KCNIP4: variants seen among roughly 807,000 people sequenced by gnomAD.
KCNIP4 encodes potassium voltage-gated channel interacting protein 4, also known as Kv channel-interacting protein 4.
In KCNIP4, 12 loss-of-function variants were observed where a neutral mutation model predicts 34.0. The ratio of observed to expected loss-of-function variants is 0.35; its 90% confidence interval spans 0.23 to 0.57. The LOEUF is 0.57. Among genes scored for constraint, KCNIP4 ranks in the 20% least tolerant of loss-of-function variants. The pLI, the probability that KCNIP4 is intolerant of heterozygous loss-of-function variation, is 0.83. For synonymous variants in KCNIP4, 124 were observed against 102.2 expected, an observed-to-expected ratio of 1.21 and a Z score of -1.29; for missense variants, 238 against 311.7, an observed-to-expected ratio of 0.76 and a Z score of 1.78.
intron 1 of KCNIP4, among the ~76,000 whole-genome samples, chr4:20,898,955 G>A (rs547380695): frequency 6.6e-6 from 1 of 152,276 alleles, no homozygotes; most frequent in South Asian, 2.1e-4. Context: ...AAATACCTCA[G>A]AGATTTTAGG....
intron 3 of KCNIP4, among the ~76,000 whole-genome samples, chr4:20,771,312 G>C (rs1755857039): frequency 6.6e-6 from 1 of 152,042 alleles, no homozygotes; most frequent in Admixed American, 6.5e-5. Context: ...CTAGATTCTG[G>C]CCCCTTGATA....
chr4:21,400,355 A>G (rs1200246264), intron 1 of KCNIP4, among the ~76,000 whole-genome samples: 2 of 151,888 alleles, frequency 1.3e-5, no homozygotes, highest in Non-Finnish European at 2.9e-5. Flanking sequence ...GCCAACTCTG[A>G]AAAAGGTGGG....
chr4:20,789,591 C>G (rs1712460671), intron 3 of KCNIP4, among the ~76,000 whole-genome samples: 1 of 152,030 alleles, frequency 6.6e-6, no homozygotes, highest in Non-Finnish European at 1.5e-5. Flanking sequence ...CTGTCTTTGA[C>G]CAATCACAAA....
intron 1 of KCNIP4, among the ~76,000 whole-genome samples, chr4:21,049,394 ATAT>A (rs1742737375): frequency 6.6e-6 from 1 of 152,190 alleles, no homozygotes; most frequent in African/African-American, 2.4e-5. Flanking sequence ...GTGGTCTTTA[ATAT>A]TATGCAGCAA....
chr4:21,281,120 T>G (rs1762749772), intron 1 of KCNIP4, among the ~76,000 whole-genome samples: 2 of 150,832 alleles, frequency 1.3e-5, no homozygotes, highest in Non-Finnish European at 3.0e-5. Flanking sequence ...GGAGTCTTGT[T>G]CTGTTCCCCA....
chr4:21,865,894 T>C (rs1725382973), intron 1 of KCNIP4, among the ~76,000 whole-genome samples: 1 of 149,712 alleles, frequency 6.7e-6, no homozygotes, highest in African/African-American at 2.4e-5. Flanking sequence ...GTTTCAATCA[T>C]ACATTTGCCA....
intron 1 of KCNIP4, among the ~76,000 whole-genome samples, chr4:21,932,688 G>A (rs1020843548): frequency 1.3e-5 from 2 of 152,006 alleles, no homozygotes; most frequent in African/African-American, 4.8e-5. Context: ...TTAAAGGTCA[G>A]ATACAAGGAT....
intron 1 of KCNIP4, among the ~76,000 whole-genome samples, chr4:21,914,394 A>C (rs1728514170): frequency 6.6e-6 from 1 of 152,102 alleles, no homozygotes; most frequent in African/African-American, 2.4e-5. Context: ...AATCCCTTAC[A>C]ACCTGCTCTT....
chr4:21,183,910 T>G (rs918905315), intron 1 of KCNIP4, among the ~76,000 whole-genome samples: 2 of 152,120 alleles, frequency 1.3e-5, no homozygotes, highest in Non-Finnish European at 2.9e-5. Flanking sequence ...CAGCAGCCCC[T>G]CCTTTCCTCT....
chr4:21,604,753 CT>C (rs1420447037), intron 1 of KCNIP4, among the ~76,000 whole-genome samples: 2 of 152,132 alleles, frequency 1.3e-5, no homozygotes, highest in Admixed American at 1.3e-4. Flanking sequence ...ATTTGATATC[CT>C]TTTTTTGGTA....
At chr4:21,104,474 T>G (rs1162192296) in intron 1 of KCNIP4, among the ~76,000 whole-genome samples, 1 of 152,074 alleles carries the variant, frequency 6.6e-6, no homozygotes, top group African/African-American at 2.4e-5. Context: ...GTTTAAGTTC[T>G]TTGTAGATTC....
chr4:21,319,272 C>G (rs1268989474), intron 1 of KCNIP4, among the ~76,000 whole-genome samples: 1 of 152,194 alleles, frequency 6.6e-6, no homozygotes, highest in Non-Finnish European at 1.5e-5. Context: ...TTGACAGGTA[C>G]TTGGACAAAT....
At position 21,541,206 on chromosome 4, in the gene KCNIP4, G is replaced by GAC. The variant is rs201186525; in HGVS notation, c.61+407364_61+407365insGT. Among the ~76,000 whole-genome samples the GAC allele has an allele frequency of 8.1e-3, 1,205 of 149,496 alleles. 21 individuals carry two copies. The highest frequency in any genetic ancestry group is 0.027 in the African/African-American group (1,101 of 40,586). On this transcript the variant is annotated intron_variant, in intron 1 of 8. Transcript: ENST00000382152. Reference sequence around the variant, plus strand: ...AAAAAAAAAAAAAAAAAGAGAGAGAGAGAGAGATGAAAAAATTACAGAGAT... The same window carrying GAC: ...AAAAAAAAAAAAAAAAAGAGAGAGAGACAGAGAGATGAAAAAATTACAGAGAT...
chr4:21,549,364 G>A (rs764796410), intron 1 of KCNIP4, among the ~76,000 whole-genome samples: 12 of 151,982 alleles, frequency 7.9e-5, no homozygotes, highest in Non-Finnish European at 1.2e-4. Context: ...TTTTGGTCAT[G>A]GGGTGGATCC....
chr4:21,423,033 G>A (rs1036037625), intron 1 of KCNIP4, among the ~76,000 whole-genome samples: 2 of 152,120 alleles, frequency 1.3e-5, no homozygotes, highest in African/African-American at 4.8e-5. Context: ...ATCTCAGTAG[G>A]CTACAGTTCA....
chr4:20,954,065 A>G (rs1193287693), intron 1 of KCNIP4, among the ~76,000 whole-genome samples: 5 of 152,178 alleles, frequency 3.3e-5, no homozygotes, highest in African/African-American at 1.2e-4. Context: ...AGCTATGGGC[A>G]TATGCATTCC....
intron 1 of KCNIP4, among the ~76,000 whole-genome samples, chr4:21,754,323 G>A (rs1717363501): frequency 6.6e-6 from 1 of 151,934 alleles, no homozygotes; most frequent in Non-Finnish European, 1.5e-5. Context: ...ACCACTACCG[G>A]ACCAAGCTTA....
At chr4:21,447,946 T>C (rs1728174431) in intron 1 of KCNIP4, among the ~76,000 whole-genome samples, 1 of 152,082 alleles carries the variant, frequency 6.6e-6, no homozygotes, top group South Asian at 2.1e-4. Context: ...TACTTACAAA[T>C]TGGTTATTTT....
chr4:20,785,490 C>T lies in KCNIP4; in HGVS notation c.289-26600G>A, dbSNP rs1711856164. 2.0e-5 allele frequency among the ~76,000 whole-genome samples: 3 copies of T among 152,000 alleles called. No homozygotes were observed. In the South Asian group the frequency reaches 6.2e-4, roughly 31 times the overall value. On this transcript the variant is annotated intron_variant, in intron 3 of 8. Transcript: ENST00000382152. ...GAGGAGCAGTGTCCAAAATCAATTA[C>T]CTGGGATGGTGTGTGCTGATCCACC...
Sources: allele counts gnomAD v4.1 joint callset (sites outside exome capture counted in the v4.1 genomes callset), GRCh38; gene constraint gnomAD v4.1.1; transcripts MANE v1.5; gene names NCBI Gene and HGNC (gene_info 2026-07-23, HGNC 2026-07-21).